The following MAP4K3 variants were observed in gnomAD, a reference collection of about 807,000 sequenced individuals.
MAP4K3 encodes MAPK/ERK kinase kinase kinase 3.
MAP4K3 carries 94 observed loss-of-function variants against 143.5 expected under a neutral mutation model. The ratio of observed to expected loss-of-function variants is 0.65; its 90% CI spans 0.55 to 0.78. The LOEUF (loss-of-function observed/expected upper bound fraction) is 0.78. MAP4K3 is among the 30% of genes least tolerant of loss of function. MAP4K3 has a pLI of 0.00. For missense variants in MAP4K3, 1,077 were observed against 1,068.1 expected (o/e 1.01, Z -0.12); for synonymous variants, 416 against 347.2 (o/e 1.20, Z -2.20).
At chr2:39,254,746 T>G (rs1680283138) in intron 31 of MAP4K3, among the ~76,000 whole-genome samples, 1 of 152,206 alleles carries the variant, frequency 6.6e-6, no homozygotes, top group Non-Finnish European at 1.5e-5. Context: ...TTGTTATAGT[T>G]TTTTTGTATT....
chr2:39,298,636 A>G (rs993105925), intron 16 of MAP4K3, among the ~76,000 whole-genome samples: 4 of 152,168 alleles, frequency 2.6e-5, no homozygotes, highest in Admixed American at 6.5e-5. Flanking sequence ...ATGGGAATAT[A>G]TATGTCTCAA....
At chr2:39,433,683 T>C (rs549831774) in intron 1 of MAP4K3, among the ~76,000 whole-genome samples, 2 of 152,148 alleles carry the variant, frequency 1.3e-5, no homozygotes, top group Non-Finnish European at 2.9e-5. Context: ...GAGCACTCCA[T>C]GGGCCTCCTG....
intron 15 of MAP4K3, among the ~76,000 whole-genome samples, chr2:39,305,629 GAACT>G (rs1682674480): frequency 6.6e-6 from 1 of 151,958 alleles, no homozygotes; most frequent in South Asian, 2.1e-4. Flanking sequence ...TCTTCTGCCC[GAACT>G]AACCTAATAG....
intron 1 of MAP4K3, among the ~76,000 whole-genome samples, chr2:39,380,800 C>A (rs554295185): frequency 6.6e-6 from 1 of 152,170 alleles, no homozygotes; most frequent in East Asian, 1.9e-4. Flanking sequence ...AAATACAGCA[C>A]TTTTTATAAC....
intron 12 of MAP4K3, among the ~76,000 whole-genome samples, chr2:39,322,649 T>C: frequency 6.6e-6 from 1 of 150,688 alleles, no homozygotes; most frequent in South Asian, 2.1e-4. Context: ...TACACATATA[T>C]ATATATTTTT....
chr2:39,312,529 A>C (rs1033403563), intron 13 of MAP4K3, among the ~76,000 whole-genome samples: 10 of 152,222 alleles, frequency 6.6e-5, no homozygotes. Flanking sequence ...CAATGAAAGA[A>C]GACCATGGGA....
At chr2:39,436,233 C>G (rs1665469522) in intron 1 of MAP4K3, among the ~76,000 whole-genome samples, 1 of 151,882 alleles carries the variant, frequency 6.6e-6, no homozygotes, top group Non-Finnish European at 1.5e-5. Flanking sequence ...AGTACCTTCC[C>G]TAAGTATTCA....
chr2:39,324,174 C>T (rs373189062), intron 12 of MAP4K3, among the ~76,000 whole-genome samples: 8 of 152,066 alleles, frequency 5.3e-5, no homozygotes, highest in Admixed American at 2.6e-4. Context: ...TTTGGGAGGC[C>T]GAGGCAGGCA....
At chr2:39,387,685 C>G (rs1322106187) in intron 1 of MAP4K3, among the ~76,000 whole-genome samples, 1 of 152,116 alleles carries the variant, frequency 6.6e-6, no homozygotes, top group East Asian at 1.9e-4. Context: ...AGCAAATAAC[C>G]CAACAGATGG....
At chr2:39,350,450 T>C (rs1356350326) in intron 3 of MAP4K3, among the ~76,000 whole-genome samples, 1 of 152,244 alleles carries the variant, frequency 6.6e-6, no homozygotes, top group Non-Finnish European at 1.5e-5. Context: ...AAAATATTCC[T>C]AAACTAGAAA....
At position 39,258,418 on chromosome 2, in the gene MAP4K3, G is replaced by A; in HGVS notation, c.2400C>T (p.Leu800=). 6.2e-7 allele frequency: 1 copy of A among 1,610,468 alleles called. No individual in the cohort carries two copies. Among genetic ancestry groups the A allele is most frequent in the Non-Finnish European group, 8.5e-7 (1 of 1,177,896 alleles). The change falls in exon 31 of 34, where the codon CTC becomes CTT. Residue 800 remains leucine, a synonymous_variant. Coordinates refer to ENST00000263881, the MANE Select transcript of MAP4K3 (RefSeq NM_003618.4). ...TCCTGCTAGATTTTAATCTTCCTTG[G>A]AGATTTACTATTTTTATACAACCTA... ...CLDCCIKIVN[L]QGRLKSSRKL...
intron 1 of MAP4K3, among the ~76,000 whole-genome samples, chr2:39,410,058 C>T (rs544856064): frequency 6.6e-6 from 1 of 152,294 alleles, no homozygotes; most frequent in African/African-American, 2.4e-5. Flanking sequence ...TTTGCTTTTT[C>T]AATATCCTTT....
intron 1 of MAP4K3, among the ~76,000 whole-genome samples, chr2:39,389,200 A>G (rs1256325508): frequency 6.6e-6 from 1 of 152,182 alleles, no homozygotes; most frequent in Non-Finnish European, 1.5e-5. Context: ...TAGAATTTCT[A>G]GAAATAAAAA....
intron 16 of MAP4K3, among the ~76,000 whole-genome samples, chr2:39,299,312 G>GCTAT (rs1183724526): frequency 6.6e-6 from 1 of 152,014 alleles, no homozygotes; most frequent in Non-Finnish European, 1.5e-5. Flanking sequence ...CATTTTAACT[G>GCTAT]CTATCTTACT....
At position 39,250,146 on chromosome 2, in the gene MAP4K3, TATA is replaced by T. The variant is rs1443489419; in HGVS notation, c.*469_*471del. The stretch of plus-strand genomic sequence containing the variant: ...TTTATATTCATATTACTAAATTACA[TATA>T]ATAAAAATACAATAGTGTTAAATGT... On this transcript the variant is annotated 3_prime_UTR_variant, in exon 34 of 34. Coordinates refer to ENST00000263881, the MANE Select transcript of MAP4K3 (RefSeq NM_003618.4). 1 of 152,678 alleles carries T rather than the reference TATA, an allele frequency of 6.5e-6. No homozygotes were observed. Among genetic ancestry groups the T allele is most frequent in the Admixed American group, 6.5e-5 (1 of 15,276 alleles). The allele number at this position is 152,678 out of a possible 1,614,324, so 9.5% of individuals were successfully genotyped here. A position where few individuals can be genotyped will look rare whatever the true frequency, so the allele number is the denominator to read the frequency against.
chr2:39,371,532 C>T (rs554616474), intron 2 of MAP4K3, among the ~76,000 whole-genome samples: 54 of 152,286 alleles, frequency 3.5e-4, no homozygotes, highest in Non-Finnish European at 2.9e-5. Flanking sequence ...CCAAAATCCA[C>T]AACTTTTTGA....
chr2:39,430,266 A>G (rs1232705609), intron 1 of MAP4K3, among the ~76,000 whole-genome samples: 1 of 152,330 alleles, frequency 6.6e-6, no homozygotes, highest in Non-Finnish European at 1.5e-5. Flanking sequence ...TACAATCTCA[A>G]ATTTCTAAGA....
At position 39,402,979 on chromosome 2, in the gene MAP4K3, C is replaced by G. The variant is rs143227535; in HGVS notation, c.97-24856G>C. Among the ~76,000 whole-genome samples, 385 of 152,150 alleles carry G rather than the reference C, an allele frequency of 2.5e-3. 1 individual carries two copies. Among genetic ancestry groups the G allele is most frequent in the African/African-American group, 9.0e-3 (373 of 41,514 alleles). On this transcript the variant is annotated intron_variant, in intron 1 of 33. Transcript: ENST00000263881. ...AAATGAATACATTCTTTGAAAGACA[C>G]AAACTACCAAATCTCATTAAAGAAA...
intron 1 of MAP4K3, among the ~76,000 whole-genome samples, chr2:39,404,462 A>AGTG (rs1364531769): frequency 1.3e-5 from 2 of 151,990 alleles, no homozygotes; most frequent in African/African-American, 4.8e-5. Context: ...ATGGGCCTGT[A>AGTG]GTGGTGGTGG....
Sources: allele counts gnomAD v4.1 joint callset (sites outside exome capture counted in the v4.1 genomes callset), GRCh38; gene constraint gnomAD v4.1.1; transcripts MANE v1.5; gene names NCBI Gene and HGNC (gene_info 2026-07-23, HGNC 2026-07-21).